The following GREB1L variants were observed in gnomAD, a reference collection of about 807,000 sequenced individuals.
GREB1L encodes GREB1-like protein.
Under a neutral mutation model 200.8 loss-of-function variants are expected in GREB1L, and 17 were observed. The ratio of observed to expected loss-of-function variants is 0.08; its 90% CI spans 0.06 to 0.13. The LOEUF is 0.13. GREB1L is among the 10% of genes least tolerant of loss of function. The pLI is 1.00. For missense variants in GREB1L, 1,657 were observed against 2,367.7 expected (o/e 0.70, Z 6.23); for synonymous variants, 789 against 893.0 (o/e 0.88, Z 2.08).
chr18:21,495,899 T>C (rs894039649), intron 20 of GREB1L, 114 bp downstream of exon 20: 16 of 612,310 alleles, frequency 2.6e-5, no homozygotes, highest in Non-Finnish European at 3.7e-5. Context: ...GAGAAGAGGA[T>C]TGTTTAATGC....
chr18:21,402,480 C>CTTCCTTTCCCT (rs199612210), intron 6 of GREB1L, among the ~76,000 whole-genome samples: 5 of 136,350 alleles, frequency 3.7e-5, no homozygotes, highest in African/African-American at 1.1e-4. Flanking sequence ...CTTTTTCTTT[C>CTTCCTTTCCCT]TTCCTTTCCC....
At chr18:21,449,976 T>C in intron 12 of GREB1L, 140 bp downstream of exon 12, 1 of 710,188 alleles carries the variant, frequency 1.4e-6, no homozygotes, top group Non-Finnish European at 2.3e-6. Flanking sequence ...TCCTCCTAAT[T>C]TTAACTTTCC....
chr18:21,391,351 A>AG (rs2040796179), intron 4 of GREB1L, among the ~76,000 whole-genome samples: 1 of 152,242 alleles, frequency 6.6e-6, no homozygotes, highest in Admixed American at 6.5e-5. Context: ...TTTGTAGCCT[A>AG]GGGGCATTAG....
intron 7 of GREB1L, among the ~76,000 whole-genome samples, chr18:21,409,402 T>C (rs1183104543): frequency 6.6e-6 from 1 of 152,098 alleles, no homozygotes; most frequent in Non-Finnish European, 1.5e-5. Context: ...GAAAATGGGG[T>C]GTGAGCATTC....
rs772620476 is a variant in GREB1L at position 21,508,285 on chromosome 18, T to A, written c.4530+6T>A. 2 of 1,551,498 alleles carry A rather than the reference T, an allele frequency of 1.3e-6. No individual in the cohort carries two copies. On this transcript the variant is annotated splice_donor_region_variant and intron_variant, in intron 26 of 32. Transcript: ENST00000424526. ...TGCCCCTGGTTTCAGACAAGGTGGG[T>A]GAGAGCATCTGGACTGGCAGGCACC...
chr18:21,489,256 G>A (rs1177718774), intron 18 of GREB1L, among the ~76,000 whole-genome samples: 1 of 152,104 alleles, frequency 6.6e-6, no homozygotes, highest in Non-Finnish European at 1.5e-5. Context: ...CTGCTACCAG[G>A]CTCAGATTTG....
chr18:21,439,479 C>A, intron 7 of GREB1L, 42 bp from the exon 8 acceptor site: 1 of 1,217,858 alleles, frequency 8.2e-7, no homozygotes, highest in Non-Finnish European at 1.2e-6. Flanking sequence ...CAGTGCCCCG[C>A]CCAGCCTCTG....
chr18:21,300,144 G>T (rs1163695969), intron 1 of GREB1L, among the ~76,000 whole-genome samples: 6 of 152,148 alleles, frequency 3.9e-5, no homozygotes, highest in Non-Finnish European at 7.3e-5. Context: ...GCCTACGGAG[G>T]TCATAAAAAT....
At chr18:21,466,567 G>C (rs2035270521) in intron 15 of GREB1L, among the ~76,000 whole-genome samples, 1 of 152,082 alleles carries the variant, frequency 6.6e-6, no homozygotes, top group African/African-American at 2.4e-5. Context: ...CAAAGCTTAT[G>C]CTTTGAAATA....
chr18:21,482,511 G>A (rs1299695637), intron 17 of GREB1L, among the ~76,000 whole-genome samples: 10 of 152,142 alleles, frequency 6.6e-5, no homozygotes, highest in Admixed American at 5.2e-4. Context: ...TGCCCTCCTC[G>A]GCCTTCCAAA....
intron 1 of GREB1L, among the ~76,000 whole-genome samples, chr18:21,302,912 G>A (rs1447348582): frequency 1.4e-4 from 22 of 151,934 alleles, no homozygotes; most frequent in African/African-American, 4.6e-4. Flanking sequence ...TAGTAGAGAC[G>A]GGGTTTCACC....
intron 23 of GREB1L, among the ~76,000 whole-genome samples, chr18:21,502,264 AAG>A (rs2036828812): frequency 6.7e-6 from 1 of 149,242 alleles, no homozygotes. Flanking sequence ...AAAAAAAAAA[AAG>A]AAGAAGAAGA....
chr18:21,299,297 AT>A (rs1441621359), intron 1 of GREB1L, among the ~76,000 whole-genome samples: 1 of 149,624 alleles, frequency 6.7e-6, no homozygotes, highest in East Asian at 1.9e-4. Flanking sequence ...AAAAAAAAAA[AT>A]CTTCAAAAAT....
chr18:21,485,855 G>A, intron 18 of GREB1L, 102 bp downstream of exon 18: 1 of 1,158,568 alleles, frequency 8.6e-7, no homozygotes, highest in Non-Finnish European at 1.2e-6. Flanking sequence ...GTTTGATGGA[G>A]CCCTTGCAGA....
chr18:21,346,398 C>A (rs1300543950), intron 1 of GREB1L, among the ~76,000 whole-genome samples: 2 of 151,862 alleles, frequency 1.3e-5, no homozygotes, highest in East Asian at 3.9e-4. Context: ...CATGTCATTT[C>A]TTTGCTTAAC....
At chr18:21,422,503 C>A (rs564820140) in intron 7 of GREB1L, among the ~76,000 whole-genome samples, 1 of 152,248 alleles carries the variant, frequency 6.6e-6, no homozygotes, top group East Asian at 1.9e-4. Flanking sequence ...CAAGCAAGCA[C>A]AAATGCAAAT....
intron 15 of GREB1L, among the ~76,000 whole-genome samples, chr18:21,457,506 G>A (rs2034823082): frequency 6.6e-6 from 1 of 152,044 alleles, no homozygotes; most frequent in South Asian, 2.1e-4. Flanking sequence ...CCATTCAAGG[G>A]TAACCACTGT....
Position 21,275,008 on chromosome 18 carries a change from G to A in GREB1L, c.-120+32615G>A, listed in dbSNP as rs1385556766. Among the ~76,000 whole-genome samples the A allele has an allele frequency of 4.6e-5, 7 of 152,152 alleles. 1 individual carries two copies. Among genetic ancestry groups the A allele is most frequent in the African/African-American group, 1.7e-4 (7 of 41,436 alleles). On this transcript the variant is annotated intron_variant, in intron 1 of 32. Coordinates refer to ENST00000424526, the MANE Select transcript of GREB1L (RefSeq NM_001142966.3). ...CTGTAATCCAGCACTTTGAGAGGCCGAGGTGGGCCGATCACGAGGTCAGGA... is the reference window on the plus strand; with the variant it reads ...CTGTAATCCAGCACTTTGAGAGGCCAAGGTGGGCCGATCACGAGGTCAGGA...
chr18:21,283,505 G>A (rs1312778434), intron 1 of GREB1L, among the ~76,000 whole-genome samples: 1 of 152,150 alleles, frequency 6.6e-6, no homozygotes, highest in Non-Finnish European at 1.5e-5. Flanking sequence ...TCATTGATTT[G>A]GAGCTGTGCT....
Sources: allele counts gnomAD v4.1 joint callset (sites outside exome capture counted in the v4.1 genomes callset), GRCh38; gene constraint gnomAD v4.1.1; transcripts MANE v1.5; gene names NCBI Gene and HGNC (gene_info 2026-07-23, HGNC 2026-07-21).